Variants in HEXD observed in about 807,000 individuals in gnomAD.
HEXD encodes the protein hexosaminidase D, also known as N-acetyl-beta-galactosaminidase.
In HEXD, 47 loss-of-function variants were observed where a neutral mutation model predicts 54.2. The observed-to-expected ratio is 0.87, with a 90% CI of 0.69 to 1.11. HEXD has a LOEUF of 1.11. Among genes scored for constraint, HEXD ranks in the 50% least tolerant of loss-of-function variants. The pLI, the probability that HEXD is intolerant of heterozygous loss-of-function variation, is 0.00. For missense variants in HEXD, 576 were observed against 649.2 expected, an observed-to-expected ratio of 0.89 and a Z score of 1.23; for synonymous variants, 293 against 287.6, an observed-to-expected ratio of 1.02 and a Z score of -0.19.
chr17:82,440,068 C>T, intron 9 of HEXD: 1 of 1,298,884 alleles, frequency 7.7e-7, no homozygotes, highest in South Asian at 1.2e-5. Flanking sequence ...GGCTCAGGCG[C>T]CCGGCCCTGG....
At chr17:82,422,745 A>C (rs915952350) in intron 2 of HEXD, among the ~76,000 whole-genome samples, 1 of 152,170 alleles carries the variant, frequency 6.6e-6, no homozygotes, top group South Asian at 2.1e-4. Context: ...CTGAACTTAC[A>C]TACAGCTGAT....
chr17:82,418,430 T>C lies in HEXD; in HGVS notation c.-362T>C. On this transcript the variant is annotated 5_prime_UTR_variant, in exon 1 of 13. Transcript: ENST00000327949. ...CCGCTACCTGCTCCGGTTCCGGCGC[T>C]CGGCCGCTCCGTTGCCCTCGGGCGC... 6.8e-7 allele frequency: 1 copy of C among 1,478,772 alleles called. No homozygotes were observed. The highest frequency in any genetic ancestry group is 8.9e-7 in the Non-Finnish European group (1 of 1,120,746). The allele number at this position is 1,478,772 out of a possible 1,614,324, so 91.6% of individuals were successfully genotyped here.
At chr17:82,436,053 G>A (rs545853571) in intron 6 of HEXD, among the ~76,000 whole-genome samples, 181 bp downstream of exon 6, 2 of 152,392 alleles carry the variant, frequency 1.3e-5, no homozygotes, top group East Asian at 1.9e-4. Flanking sequence ...TAGAAGCTGT[G>A]GAGGTTTGGG....
At chr17:82,423,812 CAAAA>C (rs570299369) in intron 2 of HEXD, among the ~76,000 whole-genome samples, 2 of 91,200 alleles carry the variant, frequency 2.2e-5, no homozygotes, top group African/African-American at 4.0e-5. Context: ...GACTCCATCT[CAAAA>C]AAAAAAAAAA....
At chr17:82,424,343 A>C in intron 2 of HEXD, 51 bp from the exon 3 acceptor site, 1 of 1,233,048 alleles carries the variant, frequency 8.1e-7, no homozygotes, top group Non-Finnish European at 1.2e-6. Context: ...GACTTGCCAC[A>C]TCGTGCTCCA....
At chr17:82,437,677 G>A (rs1041060527) in intron 8 of HEXD, among the ~76,000 whole-genome samples, 14 of 152,108 alleles carry the variant, frequency 9.2e-5, no homozygotes, top group Non-Finnish European at 1.8e-4. Flanking sequence ...AGGGGTTTCG[G>A]TTCTTTCAGG....
chr17:82,436,004 C>T lies in HEXD; in HGVS notation c.631+132C>T, dbSNP rs1011426071. 14 of 849,342 alleles carry T rather than the reference C, an allele frequency of 1.6e-5. No individual in the cohort carries two copies. In the African/African-American group the frequency reaches 2.4e-4, roughly 14 times the overall value. 52.6% of individuals were successfully genotyped at this position (849,342 alleles called of 1,614,324 possible). A position where few individuals can be genotyped will look rare whatever the true frequency, so the allele number is the denominator to read the frequency against. On this transcript the variant is annotated intron_variant, in intron 6 of 12. Transcript: ENST00000327949. ...CCCCGCACAGACCCGCCACAACCAC[C>T]TCCTGCATCCCCTTGACGCCAGGCC...
chr17:82,431,782 GC>G (rs1375281022), intron 4 of HEXD, among the ~76,000 whole-genome samples: 1 of 152,102 alleles, frequency 6.6e-6, no homozygotes, highest in Non-Finnish European at 1.5e-5. Flanking sequence ...CTGCATGTGG[GC>G]CCTGAGAGTC....
At chr17:82,431,098 A>G (rs2053563604) in intron 4 of HEXD, among the ~76,000 whole-genome samples, 1 of 150,506 alleles carries the variant, frequency 6.6e-6, no homozygotes, top group Admixed American at 6.6e-5. Flanking sequence ...TCTGGGCTCA[A>G]GCTTCTGGGC....
In HEXD at chr17:82,420,646, C is replaced by T. The variant is rs142414977; in HGVS notation, c.84+763C>T. Among the ~76,000 whole-genome samples, 699 of 152,334 alleles carry T rather than the reference C, an allele frequency of 4.6e-3. 6 individuals carry two copies. Among genetic ancestry groups the T allele is most frequent in the African/African-American group, 0.016 (669 of 41,574 alleles). On this transcript the variant is annotated intron_variant, in intron 2 of 12. Coordinates refer to ENST00000327949, the MANE Select transcript of HEXD (RefSeq NM_001330542.2). ...ACAATGGCGCAGTCTCGGCTTACTG[C>T]AACCTCCACCTCCCGGGTTCAAGCA...
chr17:82,433,955 A>C, intron 5 of HEXD, 133 bp downstream of exon 5: 3 of 804,818 alleles, frequency 3.7e-6, no homozygotes, highest in Non-Finnish European at 5.6e-6. Context: ...CCCATCCAAC[A>C]TCTTCTCCGA....
chr17:82,424,569 C>A, intron 3 of HEXD, 66 bp downstream of exon 3: 3 of 1,100,658 alleles, frequency 2.7e-6, no homozygotes, highest in Non-Finnish European at 4.1e-6. Context: ...TTCCGCAGGG[C>A]AGGAGGAGCA....
At chr17:82,438,540 G>T (rs1326335438) in intron 8 of HEXD, among the ~76,000 whole-genome samples, 1 of 152,236 alleles carries the variant, frequency 6.6e-6, no homozygotes, top group African/African-American at 2.4e-5. Flanking sequence ...TGACGACACT[G>T]TGTGAAAAGC....
At chr17:82,436,542 G>C (rs2053772558) in intron 6 of HEXD, 125 bp from the exon 7 acceptor site, 1 of 748,852 alleles carries the variant, frequency 1.3e-6, no homozygotes. Flanking sequence ...ACCCAGCACG[G>C]TGCCAAGTCT....
At chr17:82,437,625 C>CTGTG (rs5822529) in intron 8 of HEXD, among the ~76,000 whole-genome samples, 361 of 150,996 alleles carry the variant, frequency 2.4e-3, no homozygotes, top group African/African-American at 5.5e-3. Flanking sequence ...GCACCTGAGG[C>CTGTG]TGTGTGTGTG....
At position 82,442,416 on chromosome 17, in the gene HEXD, G is replaced by A. The variant is rs771931918; in HGVS notation, c.*32G>A. The A allele has an allele frequency of 3.7e-6, 6 of 1,609,718 alleles. No homozygotes were observed. In the South Asian group the frequency reaches 6.6e-5, roughly 18 times the overall value. On this transcript the variant is annotated 3_prime_UTR_variant, in exon 13 of 13. Transcript: ENST00000327949. This position sits in a 1 kb window ranked among gnomAD's most constrained non-coding sequence, Gnocchi z 6.8. ...AGCTCATGCCAGGGGGCTCCTGCTG[G>A]AGGCTGGGGGGGCTCTGCACTGCCA...
intron 4 of HEXD, among the ~76,000 whole-genome samples, chr17:82,430,504 C>T: frequency 6.6e-6 from 1 of 152,320 alleles, no homozygotes; most frequent in Non-Finnish European, 1.5e-5. Flanking sequence ...TCTCCTGCCT[C>T]AGCCTCCTGA....
intron 8 of HEXD, 22 bp from the exon 9 acceptor site, chr17:82,439,609 A>G: frequency 6.6e-7 from 1 of 1,521,994 alleles, no homozygotes; most frequent in Non-Finnish European, 8.8e-7. Flanking sequence ...TGCGGAGCTA[A>G]GCGCCCCTCT....
At chr17:82,420,961 A>G (rs545239138) in intron 2 of HEXD, among the ~76,000 whole-genome samples, 1 of 152,272 alleles carries the variant, frequency 6.6e-6, no homozygotes, top group Non-Finnish European at 1.5e-5. Context: ...ATGGATCCCA[A>G]ACTACAAGTG....
Sources: gnomAD v4.1 joint callset for allele counts (sites outside exome capture counted in the v4.1 genomes callset) on GRCh38, gnomAD v4.1.1 for gene constraint, Gnocchi (gnomAD v3.1) non-coding constraint, MANE v1.5 for transcripts, NCBI Gene and HGNC (gene_info 2026-07-23, HGNC 2026-07-21) for gene names.